Variants in SLC6A17 observed in about 807,000 individuals in gnomAD.
SLC6A17 encodes solute carrier family 6 member 17.
In SLC6A17, 21 loss-of-function variants were observed where a neutral mutation model predicts 64.5. The observed-to-expected ratio is 0.33, with a 90% confidence interval of 0.23 to 0.47. SLC6A17 has a LOEUF of 0.47. Among genes scored for constraint, SLC6A17 ranks in the 20% least tolerant of loss-of-function variants. The pLI, the probability that SLC6A17 is intolerant of heterozygous loss-of-function variation, is 1.00. For synonymous variants in SLC6A17, 372 were observed against 399.5 expected (o/e 0.93, Z 0.82); for missense variants, 682 against 963.2 (o/e 0.71, Z 3.86).
intron 1 of SLC6A17, among the ~76,000 whole-genome samples, chr1:110,152,418 G>A (rs935427667): frequency 2.0e-5 from 3 of 152,338 alleles, no homozygotes; most frequent in East Asian, 1.9e-4. Flanking sequence ...ACACAGAGTC[G>A]TGTGTCAGCT....
intron 1 of SLC6A17, among the ~76,000 whole-genome samples, chr1:110,153,633 A>G (rs1223924863): frequency 6.6e-6 from 1 of 151,982 alleles, no homozygotes; most frequent in Non-Finnish European, 1.5e-5. Flanking sequence ...AGAAACAGAG[A>G]TGAGAAGATT....
At chr1:110,163,741 G>T (rs866598862) in intron 1 of SLC6A17, among the ~76,000 whole-genome samples, 26 of 152,204 alleles carry the variant, frequency 1.7e-4, no homozygotes, top group Non-Finnish European at 3.8e-4. Flanking sequence ...CCCTGTCTCC[G>T]CCTCTCATTC....
At chr1:110,173,893 G>GAGGTA in intron 3 of SLC6A17, 80 bp from the exon 4 acceptor site, 3 of 1,558,108 alleles carry the variant, frequency 1.9e-6, no homozygotes, top group East Asian at 2.3e-5. Flanking sequence ...CGCTGCCGAC[G>GAGGTA]TGCTGGGCCT....
chr1:110,171,929 G>C, intron 2 of SLC6A17, 131 bp from the exon 3 acceptor site: 1 of 1,195,180 alleles, frequency 8.4e-7, no homozygotes, highest in Non-Finnish European at 1.2e-6. Flanking sequence ...TCATGGAGGA[G>C]CACCGGGACT....
At chr1:110,194,538 A>C in intron 8 of SLC6A17, 41 bp from the exon 9 acceptor site, 2 of 1,597,356 alleles carry the variant, frequency 1.3e-6, no homozygotes, top group South Asian at 1.1e-5. Flanking sequence ...CTCCCCAGGG[A>C]GGGGTGACCT....
chr1:110,160,691 G>A (rs1488538950), intron 1 of SLC6A17, among the ~76,000 whole-genome samples: 1 of 152,260 alleles, frequency 6.6e-6, no homozygotes, highest in Non-Finnish European at 1.5e-5. Context: ...GCGAGGCAGG[G>A]GACCTAGAAG....
At chr1:110,174,363 T>A (rs1223064313) in intron 4 of SLC6A17, among the ~76,000 whole-genome samples, 1 of 152,184 alleles carries the variant, frequency 6.6e-6, no homozygotes, top group Non-Finnish European at 1.5e-5. Context: ...TTATTCCACT[T>A]CACAGATGAG....
rs371648428 is a variant in SLC6A17, at chr1:110,191,977, C to T, written c.870C>T (p.Asp290=). Residue 290 remains aspartate (D), a synonymous_variant, in exon 7 of 12, where the codon GAC becomes GAT. Transcript: ENST00000331565. ...GCCTTGGTCTTCTGCCATAGCTGGA[C>T]AAGATGCTGGACCCCCAGGTGTGGC... ...GILHMFTPKL[D]KMLDPQVWRE... 6.2e-7 allele frequency: 1 copy of T among 1,613,572 alleles called. No individual in the cohort carries two copies. Among genetic ancestry groups the T allele is most frequent in the African/African-American group, 1.3e-5 (1 of 75,032 alleles).
intron 11 of SLC6A17, 148 bp from the exon 12 acceptor site, chr1:110,197,928 C>G: frequency 7.3e-7 from 1 of 1,367,014 alleles, no homozygotes; most frequent in Non-Finnish European, 9.8e-7. Flanking sequence ...ACCAGGTAAA[C>G]CCCCATCCTT....
Position 110,200,295 on chromosome 1 carries a change from T to C in SLC6A17, c.*1851T>C. 1 of 389,006 alleles carries C rather than the reference T, an allele frequency of 2.6e-6. No homozygotes were observed. The highest frequency in any genetic ancestry group is 4.5e-6 in the Non-Finnish European group (1 of 220,762). 24.1% of individuals were successfully genotyped at this position (389,006 alleles called of 1,614,324 possible). A position where few individuals can be genotyped will look rare whatever the true frequency, so the allele number is the denominator to read the frequency against. On this transcript the variant is annotated 3_prime_UTR_variant, in exon 12 of 12. Transcript: ENST00000331565. ...CCCCCTCTGCCCTACCTGTCTTTCCTGAGTGTTTGAGGGGAGAGAGAGACC... is the reference window on the plus strand; with the variant it reads ...CCCCCTCTGCCCTACCTGTCTTTCCCGAGTGTTTGAGGGGAGAGAGAGACC...
intron 8 of SLC6A17, among the ~76,000 whole-genome samples, chr1:110,193,878 C>T (rs1656891859): frequency 6.6e-6 from 1 of 152,212 alleles, no homozygotes; most frequent in Admixed American, 6.5e-5. Flanking sequence ...CAAGATTATA[C>T]ACTCACTTAG....
In SLC6A17 at chr1:110,166,982, C is replaced by T; in HGVS notation, c.53C>T (p.Thr18Ile). ...CGTGAGCACAGCAGTGAGCATGTCA[C>T]TGAGTCCGTGGCCGACCTGCTGGCC... ...TQREHSSEHVTESVADLLALE... is the reference protein window; with the variant it reads ...TQREHSSEHVIESVADLLALE... Residue 18 changes from threonine to isoleucine, a missense_variant, in exon 2 of 12, where the codon ACT becomes ATT. Transcript: ENST00000331565. 1.2e-6 allele frequency: 2 copies of T among 1,613,872 alleles called. No homozygotes were observed. The highest frequency in any genetic ancestry group is 1.7e-6 in the Non-Finnish European group (2 of 1,179,920).
In SLC6A17 at chr1:110,172,369, G is replaced by A. The variant is rs574461225; in HGVS notation, c.444+152G>A. ...AACATGGGAATTACTCACAGCTGGG[G>A]TTCCAGGACCCCAGTCACCATGTTT... On this transcript the variant is annotated intron_variant, in intron 3 of 11. Coordinates refer to ENST00000331565, the MANE Select transcript of SLC6A17 (RefSeq NM_001010898.4). 18 of 990,846 alleles carry A rather than the reference G, an allele frequency of 1.8e-5. No individual in the cohort carries two copies. The South Asian group carries it at 2.8e-4, about 15-fold the overall frequency. The allele number at this position is 990,846 out of a possible 1,614,324, so 61.4% of individuals were successfully genotyped here.
chr1:110,176,680 G>A lies in SLC6A17; in HGVS notation c.805G>A (p.Val269Ile). Residue 269 changes from valine to isoleucine, a missense_variant, in exon 6 of 12, where the codon GTC becomes ATC. By Grantham distance (29) the Val-to-Ile change is conservative. This residue lies in a region of SLC6A17 where 415 missense variants were observed against 603.8 expected (regional missense o/e 0.69). Transcript: ENST00000331565. Reference protein sequence around the residue: ...FPYVVLACFLVRGLLLRGAVD... With the variant: ...FPYVVLACFLIRGLLLRGAVD... ...CTACGTGGTGCTGGCCTGCTTCCTG[G>A]TCCGGGGGCTGTTGCTGCGAGGGGC... The A allele has an allele frequency of 1.9e-6, 3 of 1,614,034 alleles. No individual in the cohort carries two copies. The highest frequency in any genetic ancestry group is 2.5e-6 in the Non-Finnish European group (3 of 1,179,962).
chr1:110,194,391 C>T (rs1450548742), intron 8 of SLC6A17, among the ~76,000 whole-genome samples, 188 bp from the exon 9 acceptor site: 1 of 152,246 alleles, frequency 6.6e-6, no homozygotes, highest in East Asian at 1.9e-4. Flanking sequence ...TGAGCTACGT[C>T]TAGGGGATTC....
At chr1:110,197,071 C>T (rs1656988144) in intron 10 of SLC6A17, among the ~76,000 whole-genome samples, 1 of 152,214 alleles carries the variant, frequency 6.6e-6, no homozygotes, top group Non-Finnish European at 1.5e-5. Flanking sequence ...GAGAAGTGCA[C>T]TTCTACTGCT....
intron 3 of SLC6A17, 146 bp downstream of exon 3, chr1:110,172,363 G>A: frequency 9.2e-7 from 1 of 1,087,696 alleles, no homozygotes; most frequent in Non-Finnish European, 1.3e-6. Context: ...ATTACTCACA[G>A]CTGGGGTTCC....
chr1:110,151,211 C>G (rs992907144), intron 1 of SLC6A17, among the ~76,000 whole-genome samples: 8 of 152,192 alleles, frequency 5.3e-5, no homozygotes, highest in African/African-American at 1.9e-4. Flanking sequence ...GGCAAGCGCC[C>G]GCGGAGAACC....
At chr1:110,184,610 G>A (rs751095675) in intron 6 of SLC6A17, among the ~76,000 whole-genome samples, 11 of 152,198 alleles carry the variant, frequency 7.2e-5, no homozygotes, top group Non-Finnish European at 1.2e-4. Context: ...ACAGCAGAAG[G>A]GGCAGTGTGC....
Sources: allele counts gnomAD v4.1 joint callset (sites outside exome capture counted in the v4.1 genomes callset), GRCh38; gene constraint gnomAD v4.1.1; regional missense constraint gnomAD v4.1.1; transcripts MANE v1.5; gene names NCBI Gene and HGNC (gene_info 2026-07-23, HGNC 2026-07-21).